LMBR1: variants seen among roughly 807,000 people sequenced by gnomAD.
The protein encoded by LMBR1 is limb development membrane protein 1.
LMBR1 carries 52 observed loss-of-function variants against 73.9 expected under a neutral mutation model. That is an observed-to-expected ratio of 0.70 (90% confidence interval 0.56 to 0.89). The LOEUF is 0.89. Among genes scored for constraint, LMBR1 ranks in the 40% least tolerant of loss-of-function variants. LMBR1 has a pLI of 0.00. For synonymous variants in LMBR1, 215 were observed against 209.4 expected (o/e 1.03, Z -0.23); for missense variants, 539 against 579.8 (o/e 0.93, Z 0.72).
chr7:156,878,694 G>A (rs1800591889), intron 1 of LMBR1, among the ~76,000 whole-genome samples: 1 of 152,134 alleles, frequency 6.6e-6, no homozygotes, highest in Non-Finnish European at 1.5e-5. Context: ...CACAGAACTA[G>A]TAAAAACAAT....
intron 9 of LMBR1, among the ~76,000 whole-genome samples, chr7:156,747,369 T>C (rs1820038156): frequency 6.6e-6 from 1 of 152,182 alleles, no homozygotes; most frequent in Admixed American, 6.5e-5. Context: ...AAAAATATTT[T>C]GCTTCCAAGA....
intron 10 of LMBR1, among the ~76,000 whole-genome samples, chr7:156,731,054 T>C (rs1249710638): frequency 6.6e-6 from 1 of 152,130 alleles, no homozygotes; most frequent in African/African-American, 2.4e-5. Flanking sequence ...ATTAACATAT[T>C]CAATAAAATA....
chr7:156,774,766 A>G (rs1410972643), intron 5 of LMBR1, among the ~76,000 whole-genome samples: 1 of 152,230 alleles, frequency 6.6e-6, no homozygotes, highest in Non-Finnish European at 1.5e-5. Context: ...TGGGAGGTGA[A>G]GGTTGCAGTG....
At chr7:156,801,880 G>T (rs552928217) in intron 4 of LMBR1, among the ~76,000 whole-genome samples, 1 of 152,074 alleles carries the variant, frequency 6.6e-6, no homozygotes, top group Non-Finnish European at 1.5e-5. Context: ...TTTTACAGAC[G>T]GACTTCAGGT....
Position 156,725,659 on chromosome 7 carries a change from T to C in LMBR1, c.1067+105A>G, listed in dbSNP as rs184804620. 6.1e-3 allele frequency: 7,589 copies of C among 1,250,992 alleles called. 31 individuals carry two copies. Among genetic ancestry groups the C allele is most frequent in the Non-Finnish European group, 6.9e-3 (6,117 of 882,106 alleles). The allele number at this position is 1,250,992 out of a possible 1,614,324, so 77.5% of individuals were successfully genotyped here. On this transcript the variant is annotated intron_variant, in intron 13 of 16. Coordinates refer to ENST00000353442, the MANE Select transcript of LMBR1 (RefSeq NM_022458.4). ...TTTAAGTGCTTGAGGAAGACTAACC[T>C]GTTGTTTTCTCTTCTAGACAAGTGT...
At chr7:156,703,396 A>G (rs1057313483) in intron 15 of LMBR1, among the ~76,000 whole-genome samples, 3 of 152,166 alleles carry the variant, frequency 2.0e-5, no homozygotes, top group Non-Finnish European at 2.9e-5. Context: ...GCAGGAGGAG[A>G]GTTGCCTCAG....
rs1823529560 is a variant in LMBR1, at chr7:156,763,577, A to G, written c.550+92T>C. 8.9e-6 allele frequency: 10 copies of G among 1,120,978 alleles called. No individual in the cohort carries two copies. The South Asian group carries it at 1.3e-4, about 14-fold the overall frequency. 69.4% of individuals were successfully genotyped at this position (1,120,978 alleles called of 1,614,324 possible). ...CATCAAACATCTTTGTTAACTACAC[A>G]AAGATTTAAATGTTTTTAAAATTGA... On this transcript the variant is annotated intron_variant, in intron 6 of 16. Coordinates refer to ENST00000353442, the MANE Select transcript of LMBR1 (RefSeq NM_022458.4).
rs2134697466 is a variant in LMBR1, at chr7:156,893,174, AG to A, written c.-182del. ...GTCGCCTCAGCAGCCTCAGACGAGCAGCTCTGACTAAGGGAGGGCGGGCGCC... is the reference window on the plus strand; with the variant it reads ...GTCGCCTCAGCAGCCTCAGACGAGCACTCTGACTAAGGGAGGGCGGGCGCC... On this transcript the variant is annotated 5_prime_UTR_variant, in exon 1 of 17. Transcript: ENST00000353442. 4.6e-6 allele frequency: 2 copies of A among 434,542 alleles called. No homozygotes were observed. The highest frequency in any genetic ancestry group is 5.0e-5 in the African/African-American group (2 of 39,866). 26.9% of individuals were successfully genotyped at this position (434,542 alleles called of 1,614,324 possible).
At chr7:156,865,734 G>A (rs1273555297) in intron 1 of LMBR1, among the ~76,000 whole-genome samples, 3 of 152,100 alleles carry the variant, frequency 2.0e-5, no homozygotes, top group African/African-American at 7.2e-5. Flanking sequence ...AATAGACATA[G>A]AGACCAAAAG....
intron 15 of LMBR1, among the ~76,000 whole-genome samples, chr7:156,711,417 G>A (rs1812058328): frequency 6.6e-6 from 1 of 152,220 alleles, no homozygotes. Flanking sequence ...TTGTTAAAAT[G>A]ACCACACTAC....
intron 3 of LMBR1, among the ~76,000 whole-genome samples, chr7:156,830,476 A>G (rs1158694104): frequency 6.6e-6 from 1 of 152,218 alleles, no homozygotes; most frequent in Non-Finnish European, 1.5e-5. Context: ...AAATCATTCA[A>G]AATTATTCAG....
downstream of LMBR1, chr7:156,676,335 C>A (rs768108230): frequency 6.2e-7 from 1 of 1,613,210 alleles, no homozygotes; most frequent in Non-Finnish European, 8.5e-7. Context: ...TGTCTCGGGG[C>A]ACATGGTTCG....
chr7:156,814,728 A>G (rs1264091304), intron 4 of LMBR1, among the ~76,000 whole-genome samples: 1 of 152,158 alleles, frequency 6.6e-6, no homozygotes, highest in Non-Finnish European at 1.5e-5. Context: ...AGGGACTGCA[A>G]CTCTGTCACC....
intron 15 of LMBR1, among the ~76,000 whole-genome samples, chr7:156,714,799 C>G (rs371270471): frequency 6.6e-6 from 1 of 152,100 alleles, no homozygotes; most frequent in African/African-American, 2.4e-5. Context: ...TTATCAAGTG[C>G]CTGGCACTAA....
chr7:156,852,705 T>A (rs898312424), intron 1 of LMBR1, among the ~76,000 whole-genome samples: 1 of 152,206 alleles, frequency 6.6e-6, no homozygotes, highest in Admixed American at 6.5e-5. Context: ...GGGGACAGTT[T>A]AGTTGTCACA....
At chr7:156,773,084 CA>C (rs1056486169) in intron 5 of LMBR1, among the ~76,000 whole-genome samples, 1 of 150,620 alleles carries the variant, frequency 6.6e-6, no homozygotes, top group African/African-American at 2.4e-5. Context: ...AGAATGGCCA[CA>C]AAAAAATGAA....
intron 3 of LMBR1, among the ~76,000 whole-genome samples, chr7:156,833,192 C>A (rs751391692): frequency 3.3e-5 from 5 of 152,112 alleles, no homozygotes; most frequent in Admixed American, 6.5e-5. Context: ...ATAAAAAAAT[C>A]CTGGAATACA....
intron 10 of LMBR1, among the ~76,000 whole-genome samples, chr7:156,731,953 T>A (rs1168822120): frequency 1.3e-5 from 2 of 150,834 alleles, no homozygotes; most frequent in Non-Finnish European, 2.9e-5. Flanking sequence ...TACCAAGAGT[T>A]ACATACCAGA....
chr7:156,838,280 T>C (rs1456934594), intron 1 of LMBR1, among the ~76,000 whole-genome samples: 1 of 152,212 alleles, frequency 6.6e-6, no homozygotes, highest in East Asian at 1.9e-4. Context: ...TACATTGTTA[T>C]TTATTATAGT....
Sources: gnomAD v4.1 joint callset for allele counts (sites outside exome capture counted in the v4.1 genomes callset) on GRCh38, gnomAD v4.1.1 for gene constraint, MANE v1.5 for transcripts, NCBI Gene and HGNC (gene_info 2026-07-23, HGNC 2026-07-21) for gene names.